Variants in GRID1 observed in about 807,000 individuals in gnomAD.
The protein encoded by GRID1 is glutamate ionotropic receptor delta type subunit 1, also known as glutamate receptor ionotropic, delta-1.
GRID1 carries 28 observed loss-of-function variants against 98.0 expected under a neutral mutation model. The observed-to-expected ratio is 0.29, with a 90% confidence interval of 0.21 to 0.39. The LOEUF is 0.39. GRID1 is among the 10% of genes least tolerant of loss of function. The pLI is 1.00. For synonymous variants in GRID1, 553 were observed against 538.5 expected (o/e 1.03, Z -0.37); for missense variants, 1,111 against 1,340.5 (o/e 0.83, Z 2.67).
Position 85,854,588 on chromosome 10 carries a change from T to A in GRID1, c.1141A>T (p.Met381Leu), listed in dbSNP as rs1368231402. 9 of 1,613,998 alleles carry A rather than the reference T, an allele frequency of 5.6e-6. No individual in the cohort carries two copies. Among genetic ancestry groups the A allele is most frequent in the Non-Finnish European group, 7.6e-6 (9 of 1,179,860 alleles). Residue 381 changes from methionine to leucine, a missense_variant, in exon 8 of 16, where the codon ATG becomes TTG. This residue lies in a region of GRID1 where 762 missense variants were observed against 869.1 expected (regional missense o/e 0.88). Coordinates refer to ENST00000327946, the MANE Select transcript of GRID1 (RefSeq NM_017551.3). ...KGHITGLTGV[M>L]EFREDSSNPY... ...TTCGAACTGTCCTCCCGAAACTCCA[T>A]CACCCCAGTGAGGCCAGTGATGTGG...
intron 8 of GRID1, among the ~76,000 whole-genome samples, chr10:85,847,007 A>G (rs947230359): frequency 2.0e-5 from 3 of 152,220 alleles, no homozygotes; most frequent in African/African-American, 7.2e-5. Context: ...TGAAAAGAGC[A>G]CAAGCCTAAC....
At chr10:85,867,469 C>T (rs950670329) in intron 6 of GRID1, among the ~76,000 whole-genome samples, 3 of 152,162 alleles carry the variant, frequency 2.0e-5, no homozygotes, top group African/African-American at 4.8e-5. Context: ...TCTCCCGCTG[C>T]ACTGGGTGGG....
At chr10:86,351,161 T>C (rs1016988941) in intron 2 of GRID1, among the ~76,000 whole-genome samples, 1 of 152,230 alleles carries the variant, frequency 6.6e-6, no homozygotes, top group Non-Finnish European at 1.5e-5. Flanking sequence ...CTCAGGTGAC[T>C]GTCCATGAGG....
chr10:85,648,350 C>T (rs1184997971), intron 12 of GRID1, among the ~76,000 whole-genome samples: 1 of 152,090 alleles, frequency 6.6e-6, no homozygotes, highest in Non-Finnish European at 1.5e-5. Context: ...CTTGGCTCAG[C>T]GTGTTGACAG....
At chr10:85,947,821 C>T (rs1445078077) in intron 4 of GRID1, among the ~76,000 whole-genome samples, 3 of 152,202 alleles carry the variant, frequency 2.0e-5, no homozygotes, top group African/African-American at 4.8e-5. Context: ...TAGCCTCCTT[C>T]GACCTTGTTC....
chr10:85,797,609 ATT>A lies in GRID1; in HGVS notation c.1233+56885_1233+56886del, dbSNP rs746153179. On this transcript the variant is annotated intron_variant, in intron 8 of 15. Transcript: ENST00000327946. ...CACACCCACTGGGGGCTAAATCTGT[ATT>A]TTTTTTTTTTTTTTTTTTTAGTAGA... 3.7e-4 allele frequency among the ~76,000 whole-genome samples: 44 copies of A among 117,982 alleles called. 1 individual carries two copies. Among genetic ancestry groups the A allele is most frequent in the South Asian group, 3.7e-3 (13 of 3,554 alleles). 77.4% of individuals were successfully genotyped at this position (117,982 alleles called of 152,430 possible). A position where few individuals can be genotyped will look rare whatever the true frequency, so the allele number is the denominator to read the frequency against.
intron 4 of GRID1, among the ~76,000 whole-genome samples, chr10:86,117,938 C>T (rs535270512): frequency 1.3e-5 from 2 of 152,324 alleles, no homozygotes; most frequent in East Asian, 1.9e-4. Context: ...TTTGATCCAG[C>T]AATCCCACTA....
chr10:86,107,351 G>C (rs1184007537), intron 4 of GRID1, among the ~76,000 whole-genome samples: 2 of 152,242 alleles, frequency 1.3e-5, no homozygotes, highest in Non-Finnish European at 2.9e-5. Flanking sequence ...CAGCCATGAG[G>C]ACCGTGATCT....
At chr10:86,057,016 A>C (rs1843583877) in intron 4 of GRID1, among the ~76,000 whole-genome samples, 1 of 152,210 alleles carries the variant, frequency 6.6e-6, no homozygotes, top group Non-Finnish European at 1.5e-5. Context: ...TTCCTTCAGC[A>C]CATCCATAAA....
chr10:85,653,542 G>T (rs1238511777), intron 12 of GRID1, among the ~76,000 whole-genome samples: 2 of 152,194 alleles, frequency 1.3e-5, no homozygotes, highest in Admixed American at 6.5e-5. Context: ...GGAAGCCTAG[G>T]AAAGGGGATG....
intron 4 of GRID1, among the ~76,000 whole-genome samples, chr10:86,135,067 A>G (rs576990758): frequency 6.6e-6 from 1 of 152,348 alleles, no homozygotes; most frequent in East Asian, 1.9e-4. Context: ...AGCCACCAGC[A>G]GGATTCCCAG....
chr10:86,122,380 G>A (rs968628291), intron 4 of GRID1, among the ~76,000 whole-genome samples: 9 of 152,258 alleles, frequency 5.9e-5, no homozygotes, highest in Non-Finnish European at 4.4e-5. Flanking sequence ...ATCATTCCCT[G>A]CACATTCACT....
At chr10:86,063,722 G>T (rs1277626861) in intron 4 of GRID1, among the ~76,000 whole-genome samples, 1 of 152,094 alleles carries the variant, frequency 6.6e-6, no homozygotes, top group African/African-American at 2.4e-5. Flanking sequence ...GACCAAAGAA[G>T]AAAAAGTAGG....
chr10:86,035,726 C>G (rs1843251454), intron 4 of GRID1, among the ~76,000 whole-genome samples: 1 of 152,040 alleles, frequency 6.6e-6, no homozygotes, highest in African/African-American at 2.4e-5. Flanking sequence ...AGGAGGGAGA[C>G]AGATAATGAG....
At chr10:85,917,650 C>T (rs1480754690) in intron 4 of GRID1, among the ~76,000 whole-genome samples, 1 of 152,228 alleles carries the variant, frequency 6.6e-6, no homozygotes, top group Non-Finnish European at 1.5e-5. Context: ...GTGCCAACGA[C>T]CCCACAAATG....
intron 2 of GRID1, among the ~76,000 whole-genome samples, chr10:86,316,055 A>T (rs901053513): frequency 6.6e-6 from 1 of 152,188 alleles, no homozygotes; most frequent in Non-Finnish European, 1.5e-5. Flanking sequence ...CCCCACTTTG[A>T]TGAGACAGAG....
At chr10:85,615,470 T>C (rs914079070) in intron 14 of GRID1, among the ~76,000 whole-genome samples, 5 of 152,206 alleles carry the variant, frequency 3.3e-5, no homozygotes, top group South Asian at 2.1e-4. Flanking sequence ...AATAAATGTG[T>C]GAATGTACTA....
intron 3 of GRID1, among the ~76,000 whole-genome samples, chr10:86,194,771 G>C (rs1394421731): frequency 6.6e-6 from 1 of 151,994 alleles, no homozygotes; most frequent in Non-Finnish European, 1.5e-5. Flanking sequence ...GCTGGTCTCT[G>C]CTCAGCCCTC....
intron 5 of GRID1, among the ~76,000 whole-genome samples, chr10:85,896,652 A>G (rs1397622417): frequency 1.3e-5 from 2 of 152,246 alleles, no homozygotes; most frequent in East Asian, 3.8e-4. Flanking sequence ...GACTTAGCTA[A>G]TAAGCAAAGA....
Sources: allele counts gnomAD v4.1 joint callset (sites outside exome capture counted in the v4.1 genomes callset), GRCh38; gene constraint gnomAD v4.1.1; regional missense constraint gnomAD v4.1.1; transcripts MANE v1.5; gene names NCBI Gene and HGNC (gene_info 2026-07-23, HGNC 2026-07-21).